The following PROS1 variants were observed in gnomAD, a reference collection of about 807,000 sequenced individuals.
The protein encoded by PROS1 is vitamin K-dependent protein S.
Under a neutral mutation model 75.9 loss-of-function variants are expected in PROS1, and 29 were observed. That is an observed-to-expected ratio of 0.38 (90% CI 0.28 to 0.52). PROS1 has a LOEUF of 0.52. Among genes scored for constraint, PROS1 ranks in the 20% least tolerant of loss-of-function variants. The pLI, the probability that PROS1 is intolerant of heterozygous loss-of-function variation, is 0.83. For missense variants in PROS1, 680 were observed against 810.3 expected, an observed-to-expected ratio of 0.84 and a Z score of 1.95; for synonymous variants, 245 against 280.6, an observed-to-expected ratio of 0.87 and a Z score of 1.27.
chr3:93,966,132 A>C (rs1045540601), intron 1 of PROS1, among the ~76,000 whole-genome samples: 1 of 152,072 alleles, frequency 6.6e-6, no homozygotes, highest in African/African-American at 2.4e-5. Context: ...AAAACTAACA[A>C]ACTAACCTCT....
At chr3:93,933,722 G>A (rs1276089473) in intron 1 of PROS1, among the ~76,000 whole-genome samples, 5 of 152,180 alleles carry the variant, frequency 3.3e-5, no homozygotes, top group Non-Finnish European at 7.4e-5. Context: ...TCAGCAGTTC[G>A]AGACTAGCCT....
At chr3:93,972,684 C>CA (rs372602802) in intron 1 of PROS1, among the ~76,000 whole-genome samples, 6,997 of 112,028 alleles carry the variant, frequency 0.062, 168 homozygotes, top group South Asian at 0.092. Context: ...AGTAAAAATA[C>CA]AAAAAAAAAA....
At chr3:93,899,310 A>T (rs1387186740) in intron 7 of PROS1, among the ~76,000 whole-genome samples, 1 of 152,094 alleles carries the variant, frequency 6.6e-6, no homozygotes, top group Non-Finnish European at 1.5e-5. Context: ...AAGATCATTG[A>T]CATTTTCATT....
chr3:93,927,247 T>C lies in PROS1; in HGVS notation c.234+3A>G. The C allele has an allele frequency of 6.2e-7, 1 of 1,612,254 alleles. No homozygotes were observed. Among genetic ancestry groups the C allele is most frequent in the Non-Finnish European group, 8.5e-7 (1 of 1,179,988 alleles). On this transcript the variant is annotated splice_donor_region_variant and intron_variant, in intron 2 of 14. Transcript: ENST00000394236. ...GAACTTGATAGTTTCCATAAATGCT[T>C]ACCGTTTCCGGGTCATTTTCAAAGA... is the stretch of plus-strand genomic sequence containing the variant.
chr3:93,934,182 T>TAAAAAAAAAAAA (rs996626567), intron 1 of PROS1, among the ~76,000 whole-genome samples: 50 of 141,608 alleles, frequency 3.5e-4, no homozygotes, highest in African/African-American at 1.2e-3. Context: ...GCCATCACAT[T>TAAAAAAAAAAAA]AAAAAAAAAA....
At chr3:93,905,566 C>T (rs867189587) in intron 6 of PROS1, among the ~76,000 whole-genome samples, 1 of 152,210 alleles carries the variant, frequency 6.6e-6, no homozygotes, top group Non-Finnish European at 1.5e-5. Context: ...GATGGAGCCA[C>T]TCTACTCCAG....
chr3:93,953,390 T>C (rs1302595794), intron 1 of PROS1, among the ~76,000 whole-genome samples: 1 of 152,192 alleles, frequency 6.6e-6, no homozygotes, highest in Non-Finnish European at 1.5e-5. Context: ...CCCGATCAAG[T>C]TGGCTTCATC....
At chr3:93,937,254 G>A (rs1025462329) in intron 1 of PROS1, among the ~76,000 whole-genome samples, 2 of 152,166 alleles carry the variant, frequency 1.3e-5, no homozygotes, top group African/African-American at 2.4e-5. Context: ...TACGTGACAG[G>A]GGCTGCATGC....
chr3:93,942,207 C>T (rs1327573598), intron 1 of PROS1, among the ~76,000 whole-genome samples: 1 of 152,130 alleles, frequency 6.6e-6, no homozygotes, highest in African/African-American at 2.4e-5. Flanking sequence ...GCTCTGCCCC[C>T]CTCCACTCCC....
chr3:93,944,946 A>G (rs369149397), intron 1 of PROS1, among the ~76,000 whole-genome samples: 1 of 152,302 alleles, frequency 6.6e-6, no homozygotes, highest in South Asian at 2.1e-4. Context: ...GAAAAGAGAG[A>G]AGAATCAAAT....
chr3:93,952,348 T>A (rs1198489407), intron 1 of PROS1, among the ~76,000 whole-genome samples: 1 of 152,030 alleles, frequency 6.6e-6, no homozygotes, highest in Non-Finnish European at 1.5e-5. Flanking sequence ...CCTCAGCAAA[T>A]CTAAAAGAAC....
At chr3:93,877,488 T>A (rs780076686) in intron 13 of PROS1, among the ~76,000 whole-genome samples, 1 of 152,234 alleles carries the variant, frequency 6.6e-6, no homozygotes, top group Non-Finnish European at 1.5e-5. Context: ...GTGTCTTATA[T>A]CTTTCTGTTT....
intron 1 of PROS1, among the ~76,000 whole-genome samples, chr3:93,943,159 C>A (rs1434088135): frequency 6.6e-6 from 1 of 152,060 alleles, no homozygotes; most frequent in East Asian, 1.9e-4. Context: ...ACCTTCATAC[C>A]CCTTACCAAC....
intron 3 of PROS1, among the ~76,000 whole-genome samples, chr3:93,915,023 A>C (rs1333102647): frequency 1.3e-5 from 2 of 152,064 alleles, no homozygotes; most frequent in Admixed American, 6.5e-5. Flanking sequence ...CTTGGGACAC[A>C]CCCTTGGTTT....
At chr3:93,959,867 T>C (rs1709674509) in intron 1 of PROS1, among the ~76,000 whole-genome samples, 1 of 152,228 alleles carries the variant, frequency 6.6e-6, no homozygotes, top group Non-Finnish European at 1.5e-5. Flanking sequence ...ATTTTTTCGT[T>C]CTGCTACATT....
rs148015989 is a variant in PROS1, at chr3:93,905,899, T to C, written c.486A>G (p.Lys162=). 3.0e-5 allele frequency: 48 copies of C among 1,613,132 alleles called. No homozygotes were observed. Among genetic ancestry groups the C allele is most frequent in the Non-Finnish European group, 4.0e-5 (47 of 1,179,286 alleles). Residue 162 remains lysine (K), a synonymous_variant, in exon 6 of 15, where the codon AAA becomes AAG. Coordinates refer to ENST00000394236, the MANE Select transcript of PROS1 (RefSeq NM_000313.4). ...EKCEFDINEC[K]DPSNINGGCS... ...AACCTCCATTTATATTTGAGGGATC[T>C]TTGCATTCATTTATGTCTAAAACAG...
chr3:93,914,709 G>T (rs2107183972), intron 3 of PROS1, among the ~76,000 whole-genome samples: 1 of 152,186 alleles, frequency 6.6e-6, no homozygotes, highest in Admixed American at 6.5e-5. Flanking sequence ...GGAATAGGTG[G>T]TGTTTGGTTA....
intron 1 of PROS1, among the ~76,000 whole-genome samples, chr3:93,947,148 C>T (rs1476669680): frequency 6.6e-6 from 1 of 152,128 alleles, no homozygotes; most frequent in Non-Finnish European, 1.5e-5. Context: ...GAATGGCAAT[C>T]ATTACAAAGT....
chr3:93,890,747 T>C (rs991594501), intron 10 of PROS1, among the ~76,000 whole-genome samples: 1 of 152,218 alleles, frequency 6.6e-6, no homozygotes. Context: ...ACTGAATAAA[T>C]GAGTGCATGT....
Sources: gnomAD v4.1 joint callset for allele counts (sites outside exome capture counted in the v4.1 genomes callset) on GRCh38, gnomAD v4.1.1 for gene constraint, MANE v1.5 for transcripts, NCBI Gene and HGNC (gene_info 2026-07-23, HGNC 2026-07-21) for gene names.